KCND2: variants seen among roughly 807,000 people sequenced by gnomAD.
KCND2 encodes potassium voltage-gated channel subfamily D member 2.
In KCND2, 16 loss-of-function variants were observed where a neutral mutation model predicts 54.4. That is an observed-to-expected ratio of 0.29 (90% CI 0.20 to 0.45). The LOEUF (loss-of-function observed/expected upper bound fraction) is 0.45, where lower values mean the gene tolerates loss of function less well. Ranked by LOEUF, KCND2 falls within the 20% of genes least tolerant of loss-of-function variation. The probability of loss-of-function intolerance (pLI) is 1.00; values close to 1 mark genes in which losing one functional copy is unlikely to be tolerated. For synonymous variants in KCND2, 317 were observed against 310.7 expected (o/e 1.02, Z -0.21); for missense variants, 486 against 824.2 (o/e 0.59, Z 5.02).
chr7:120,503,586 C>CT (rs1802969717), intron 1 of KCND2, among the ~76,000 whole-genome samples: 1 of 152,032 alleles, frequency 6.6e-6, no homozygotes, highest in East Asian at 1.9e-4. Flanking sequence ...TTCCTTGACC[C>CT]TTCTGCATTG....
At chr7:120,592,744 T>C (rs796201470) in intron 1 of KCND2, among the ~76,000 whole-genome samples, 94 of 152,334 alleles carry the variant, frequency 6.2e-4, no homozygotes, top group African/African-American at 2.2e-3. Context: ...TTACACAGAT[T>C]GTAAAGACTA....
intron 1 of KCND2, among the ~76,000 whole-genome samples, chr7:120,629,078 G>A (rs2116511771): frequency 1.3e-5 from 2 of 152,302 alleles, no homozygotes; most frequent in South Asian, 4.1e-4. Context: ...TTTCATGAAT[G>A]GCTTAAGGGA....
chr7:120,470,834 A>G (rs968148269), intron 1 of KCND2, among the ~76,000 whole-genome samples: 6 of 131,858 alleles, frequency 4.6e-5, no homozygotes, highest in African/African-American at 1.5e-4. Context: ...TTTAAAATAT[A>G]TAATATAAGT....
chr7:120,287,366 C>T (rs553804868), intron 1 of KCND2, among the ~76,000 whole-genome samples: 1 of 152,114 alleles, frequency 6.6e-6, no homozygotes, highest in South Asian at 2.1e-4. Context: ...ATTAGGATTA[C>T]CTGGAATACT....
intron 1 of KCND2, among the ~76,000 whole-genome samples, chr7:120,359,399 A>G (rs1007659562): frequency 2.6e-5 from 4 of 152,108 alleles, no homozygotes; most frequent in South Asian, 2.1e-4. Flanking sequence ...CACCACCGAT[A>G]TGGGTTGCAA....
chr7:120,604,504 AAATAACAATAAT>A (rs1408512230), intron 1 of KCND2, among the ~76,000 whole-genome samples: 1,250 of 82,676 alleles, frequency 0.015, 23 homozygotes, highest in African/African-American at 0.053. Flanking sequence ...CTCCATCTAA[AAATAACAATAAT>A]AATAATAATA....
At chr7:120,606,736 A>G (rs1308214708) in intron 1 of KCND2, among the ~76,000 whole-genome samples, 1 of 151,846 alleles carries the variant, frequency 6.6e-6, no homozygotes, top group African/African-American at 2.4e-5. Context: ...ATGTAATATA[A>G]TATATATAAA....
At chr7:120,695,125 T>A (rs1358954715) in intron 1 of KCND2, among the ~76,000 whole-genome samples, 1 of 152,012 alleles carries the variant, frequency 6.6e-6, no homozygotes, top group Non-Finnish European at 1.5e-5. Context: ...GCTAAATACA[T>A]GATGTAGCAT....
intron 1 of KCND2, among the ~76,000 whole-genome samples, chr7:120,455,802 A>G (rs1467016224): frequency 6.6e-6 from 1 of 152,156 alleles, no homozygotes; most frequent in Non-Finnish European, 1.5e-5. Context: ...ATGGATACAT[A>G]TGTACTTCAG....
At chr7:120,589,981 T>G (rs1002888667) in intron 1 of KCND2, among the ~76,000 whole-genome samples, 1 of 152,194 alleles carries the variant, frequency 6.6e-6, no homozygotes, top group Non-Finnish European at 1.5e-5. Context: ...TCCTTAATTT[T>G]CACAAAGGCT....
intron 1 of KCND2, among the ~76,000 whole-genome samples, chr7:120,527,392 A>G (rs1791789788): frequency 6.6e-6 from 1 of 152,134 alleles, no homozygotes; most frequent in Non-Finnish European, 1.5e-5. Context: ...GAGACACCTG[A>G]GGACTCCTGA....
At chr7:120,663,417 A>C (rs1791890146) in intron 1 of KCND2, among the ~76,000 whole-genome samples, 1 of 152,218 alleles carries the variant, frequency 6.6e-6, no homozygotes, top group African/African-American at 2.4e-5. Context: ...ACCTCATGAT[A>C]GTCTTCCAAT....
At chr7:120,654,093 C>G (rs1040522557) in intron 1 of KCND2, among the ~76,000 whole-genome samples, 1 of 151,886 alleles carries the variant, frequency 6.6e-6, no homozygotes, top group Non-Finnish European at 1.5e-5. Flanking sequence ...TGATAATGTC[C>G]TTTTCTATTG....
At chr7:120,513,986 C>T (rs1007516737) in intron 1 of KCND2, among the ~76,000 whole-genome samples, 7 of 152,066 alleles carry the variant, frequency 4.6e-5, no homozygotes, top group Non-Finnish European at 1.0e-4. Flanking sequence ...CTAATGAGCA[C>T]TTAAGTGTGA....
chr7:120,569,946 A>C (rs907468691), intron 1 of KCND2, among the ~76,000 whole-genome samples: 1 of 152,142 alleles, frequency 6.6e-6, no homozygotes, highest in Non-Finnish European at 1.5e-5. Context: ...ACAAATGCTA[A>C]TGATGCTCAA....
intron 1 of KCND2, among the ~76,000 whole-genome samples, chr7:120,651,719 C>T (rs1169412262): frequency 1.3e-5 from 2 of 152,192 alleles, no homozygotes; most frequent in Non-Finnish European, 2.9e-5. Flanking sequence ...ATGCTGGGGG[C>T]TGTAGACTGG....
intron 1 of KCND2, among the ~76,000 whole-genome samples, chr7:120,299,309 G>A (rs780550034): frequency 6.6e-6 from 1 of 152,076 alleles, no homozygotes; most frequent in Non-Finnish European, 1.5e-5. Flanking sequence ...AATGAGTCAC[G>A]ATCAGTGAGT....
chr7:120,509,508 G>T (rs147621737), intron 1 of KCND2, among the ~76,000 whole-genome samples: 386 of 152,044 alleles, frequency 2.5e-3, no homozygotes, highest in African/African-American at 8.9e-3. Context: ...TCTTATCCGG[G>T]GTTGAATTGC....
rs1443092896 is a variant in KCND2, at chr7:120,749,352, T to G, written c.*1494T>G. The G allele has an allele frequency of 6.6e-6, 1 of 152,288 alleles. No individual in the cohort carries two copies. Among genetic ancestry groups the G allele is most frequent in the Non-Finnish European group, 1.5e-5 (1 of 67,820 alleles). The allele number at this position is 152,288 out of a possible 1,614,324, so 9.4% of individuals were successfully genotyped here. On this transcript the variant is annotated 3_prime_UTR_variant, in exon 6 of 6. Coordinates refer to ENST00000331113, the MANE Select transcript of KCND2 (RefSeq NM_012281.3). ...TGATGCAAAGTTGATCTCTGTACAT[T>G]TAAGTGAAAAGTCTTTATAACTTTT...
Sources: gnomAD v4.1 joint callset for allele counts (sites outside exome capture counted in the v4.1 genomes callset) on GRCh38, gnomAD v4.1.1 for gene constraint, MANE v1.5 for transcripts, NCBI Gene and HGNC (gene_info 2026-07-23, HGNC 2026-07-21) for gene names.